GALNT13: variants seen among roughly 807,000 people sequenced by gnomAD.
GALNT13 encodes the protein UDP-GalNAc:polypeptide N-acetylgalactosaminyltransferase 13.
Under a neutral mutation model 64.2 loss-of-function variants are expected in GALNT13, and 28 were observed. That is an observed-to-expected ratio of 0.44 (90% CI 0.32 to 0.60). The LOEUF (loss-of-function observed/expected upper bound fraction) is 0.60, where lower values mean the gene tolerates loss of function less well. Ranked by LOEUF, GALNT13 falls within the 20% of genes least tolerant of loss-of-function variation. The pLI is 0.05. For missense variants in GALNT13, 577 were observed against 669.8 expected (o/e 0.86, Z 1.53); for synonymous variants, 214 against 224.6 (o/e 0.95, Z 0.42).
intron 3 of GALNT13, among the ~76,000 whole-genome samples, chr2:154,087,431 A>C (rs1477711445): frequency 3.3e-5 from 5 of 152,020 alleles, no homozygotes; most frequent in African/African-American, 1.2e-4. Context: ...ACAATTATAA[A>C]TCCATCTTGC....
chr2:153,082,672 T>A, the GALNT13 span, among the ~76,000 whole-genome samples: 40 of 129,716 alleles, frequency 3.1e-4, no homozygotes, highest in African/African-American at 7.9e-4. Context: ...CACATATATA[T>A]AATTTATTAA....
intron 2 of GALNT13, among the ~76,000 whole-genome samples, chr2:153,905,563 G>C (rs903229715): frequency 6.6e-5 from 10 of 151,956 alleles, no homozygotes; most frequent in Non-Finnish European, 1.0e-4. Flanking sequence ...TTGTGATGAT[G>C]TGAGATAATA....
At chr2:154,172,727 G>T (rs1175595931) in intron 4 of GALNT13, among the ~76,000 whole-genome samples, 3 of 151,588 alleles carry the variant, frequency 2.0e-5, no homozygotes, top group African/African-American at 7.3e-5. Flanking sequence ...CACTTACATT[G>T]ATTCCATATG....
At chr2:154,031,702 C>G (rs1049913244) in intron 3 of GALNT13, among the ~76,000 whole-genome samples, 1 of 151,870 alleles carries the variant, frequency 6.6e-6, no homozygotes, top group African/African-American at 2.4e-5. Flanking sequence ...AAGACACCTT[C>G]AGTCCCAAAA....
the GALNT13 span, among the ~76,000 whole-genome samples, chr2:153,400,591 C>A: frequency 6.6e-6 from 1 of 152,102 alleles, no homozygotes; most frequent in Non-Finnish European, 1.5e-5. Context: ...TGATTATTGC[C>A]ACAATTTCAG....
Position 153,973,768 on chromosome 2 carries a change from G to A in GALNT13, c.142+29129G>A, listed in dbSNP as rs556912598. On this transcript the variant is annotated intron_variant, in intron 3 of 12. Transcript: ENST00000392825. ...CCTTTCCTCCTTTTACTTTTTAGAC[G>A]TTCTTTGAAGATATTTAAGTAAGTT... Among the ~76,000 whole-genome samples, 7 of 151,872 alleles carry A rather than the reference G, an allele frequency of 4.6e-5. No individual in the cohort carries two copies. In the East Asian group the frequency reaches 9.7e-4, roughly 21 times the overall value.
the GALNT13 span, chr2:153,592,939 G>C: frequency 6.6e-6 from 1 of 152,376 alleles, no homozygotes; most frequent in South Asian, 2.1e-4. Flanking sequence ...AACTCGCTGG[G>C]TCCCCAAACA....
chr2:153,538,454 A>C, the GALNT13 span, among the ~76,000 whole-genome samples: 1 of 126,148 alleles, frequency 7.9e-6, no homozygotes, highest in East Asian at 2.3e-4. Context: ...GGTTAGTTAC[A>C]TATGTATACA....
chr2:153,242,045 A>G, the GALNT13 span, among the ~76,000 whole-genome samples: 457 of 152,252 alleles, frequency 3.0e-3, 1 homozygote, highest in Non-Finnish European at 5.2e-3. Flanking sequence ...AGAGGACAGC[A>G]ATTTGGGGGC....
the GALNT13 span, among the ~76,000 whole-genome samples, chr2:153,540,747 C>A: frequency 6.6e-6 from 1 of 152,182 alleles, no homozygotes; most frequent in Admixed American, 6.5e-5. Flanking sequence ...AATGACTGCC[C>A]CGCTGGGTTT....
At chr2:153,730,363 A>G in the GALNT13 span, among the ~76,000 whole-genome samples, 3 of 152,088 alleles carry the variant, frequency 2.0e-5, no homozygotes, top group Admixed American at 1.3e-4. Flanking sequence ...ACTCTATTCA[A>G]TAATTGGTAC....
intron 2 of GALNT13, among the ~76,000 whole-genome samples, chr2:153,919,506 A>G (rs1689610789): frequency 6.6e-6 from 1 of 152,058 alleles, no homozygotes; most frequent in Admixed American, 6.6e-5. Context: ...TGCAGACCCC[A>G]GAAACTTTAA....
At chr2:153,672,501 C>A in the GALNT13 span, among the ~76,000 whole-genome samples, 1 of 152,064 alleles carries the variant, frequency 6.6e-6, no homozygotes, top group African/African-American at 2.4e-5. Context: ...TCTTTGAAAC[C>A]AATGAGAACA....
chr2:153,262,479 G>A, the GALNT13 span, among the ~76,000 whole-genome samples: 1 of 152,028 alleles, frequency 6.6e-6, no homozygotes, highest in Non-Finnish European at 1.5e-5. Flanking sequence ...CCAAAAACCT[G>A]GCAGAAATAC....
intron 3 of GALNT13, among the ~76,000 whole-genome samples, chr2:154,020,519 T>C (rs1697375031): frequency 6.6e-6 from 1 of 152,222 alleles, no homozygotes; most frequent in Non-Finnish European, 1.5e-5. Context: ...TGTCTGTTCA[T>C]ATCTTTCGCC....
the GALNT13 span, among the ~76,000 whole-genome samples, chr2:153,126,605 A>G: frequency 6.6e-6 from 1 of 152,112 alleles, no homozygotes. Context: ...TAGATTTTGG[A>G]TACTGTTTCA....
chr2:153,538,678 G>T, the GALNT13 span, among the ~76,000 whole-genome samples: 67 of 34,574 alleles, frequency 1.9e-3, 1 homozygote, highest in Non-Finnish European at 2.4e-3. Flanking sequence ...TACTGAGAAT[G>T]ATGATTTCCA....
chr2:154,367,666 C>A (rs1398387222), intron 9 of GALNT13, among the ~76,000 whole-genome samples: 1 of 152,100 alleles, frequency 6.6e-6, no homozygotes, highest in African/African-American at 2.4e-5. Flanking sequence ...AGAATAAAAT[C>A]TTTTGGCAGA....
At chr2:153,277,209 A>ATCCC in the GALNT13 span, among the ~76,000 whole-genome samples, 1 of 152,102 alleles carries the variant, frequency 6.6e-6, no homozygotes, top group African/African-American at 2.4e-5. Flanking sequence ...CCTTTCCTAT[A>ATCCC]TCCCCGCTCT....
Sources: gnomAD v4.1 joint callset for allele counts (sites outside exome capture counted in the v4.1 genomes callset) on GRCh38, gnomAD v4.1.1 for gene constraint, MANE v1.5 for transcripts, NCBI Gene and HGNC (gene_info 2026-07-23, HGNC 2026-07-21) for gene names.